The following IL1RL1 variants were observed in gnomAD, a reference collection of about 807,000 sequenced individuals.
The protein encoded by IL1RL1 is interleukin 1 receptor like 1.
A neutral mutation model predicts 50.9 loss-of-function variants in IL1RL1; 32 were observed. The observed-to-expected ratio is 0.63, with a 90% confidence interval of 0.47 to 0.84. The LOEUF (loss-of-function observed/expected upper bound fraction) is 0.84, where lower values mean the gene tolerates loss of function less well. IL1RL1 is among the 40% of genes least tolerant of loss of function. The pLI, the probability that IL1RL1 is intolerant of heterozygous loss-of-function variation, is 0.00. For missense variants in IL1RL1, 773 were observed against 662.9 expected (o/e 1.17, Z -1.82); for synonymous variants, 275 against 236.0 (o/e 1.17, Z -1.51).
At chr2:102,338,734 A>C (rs1482225109) in intron 2 of IL1RL1, 103 bp from the exon 3 acceptor site, 2 of 829,588 alleles carry the variant, frequency 2.4e-6, no homozygotes, top group Non-Finnish European at 3.9e-6. Context: ...ACAGTATATG[A>C]CCGGCTTCTA....
rs546194268 is a variant in IL1RL1, at chr2:102,350,083, G to A, written c.1285+837G>A. ...TGGGAATGCTAATAGCCTCAATAAC[G>A]GCTCAAGAGACTTGTGAAAGATACA... On this transcript the variant is annotated intron_variant, in intron 10 of 10. Coordinates refer to ENST00000233954, the MANE Select transcript of IL1RL1 (RefSeq NM_016232.5). Among the ~76,000 whole-genome samples, 30 of 96,104 alleles carry A rather than the reference G, an allele frequency of 3.1e-4. No individual in the cohort carries two copies. In the South Asian group the frequency reaches 6.6e-3, roughly 21 times the overall value. 63.0% of individuals were successfully genotyped at this position (96,104 alleles called of 152,430 possible).
At chr2:102,336,241 C>G (rs1451378316) in intron 1 of IL1RL1, among the ~76,000 whole-genome samples, 1 of 152,138 alleles carries the variant, frequency 6.6e-6, no homozygotes, top group Admixed American at 6.5e-5. Flanking sequence ...CTGACTTCAC[C>G]CCTTAATGTG....
chr2:102,320,919 A>T (rs1433008095), intron 1 of IL1RL1, among the ~76,000 whole-genome samples: 2 of 152,174 alleles, frequency 1.3e-5, no homozygotes, highest in Non-Finnish European at 2.9e-5. Flanking sequence ...TTAGCTTGAA[A>T]CACTCCAGTG....
chr2:102,347,900 T>A, intron 8 of IL1RL1, 45 bp from the exon 9 acceptor site: 2 of 1,148,128 alleles, frequency 1.7e-6, no homozygotes, highest in South Asian at 1.3e-5. Flanking sequence ...GTTTATTATA[T>A]CTTGTTTCAG....
Position 102,349,227 on chromosome 2 carries a change from A to G in IL1RL1, c.1266A>G (p.Arg422=). Residue 422 remains arginine (R), a synonymous_variant, in exon 10 of 11, where the codon AGA becomes AGG. Coordinates refer to ENST00000233954, the MANE Select transcript of IL1RL1 (RefSeq NM_016232.5). ...KCGYTLCIYG[R]DMLPGEDVVT... The stretch of plus-strand genomic sequence containing the variant: ...GCTATACCTTATGCATTTATGGGAG[A>G]GATATGCTACCTGGAGAAGGTAAAG... 1 of 1,613,688 alleles carries G rather than the reference A, an allele frequency of 6.2e-7. No individual in the cohort carries two copies. Among genetic ancestry groups the G allele is most frequent in the South Asian group, 1.1e-5 (1 of 91,068 alleles).
intron 1 of IL1RL1, among the ~76,000 whole-genome samples, chr2:102,336,134 C>T (rs1677318695): frequency 6.6e-6 from 1 of 152,296 alleles, no homozygotes; most frequent in South Asian, 2.1e-4. Context: ...ATAACTCTCC[C>T]TTTTGCAGCT....
chr2:102,328,486 C>G (rs1465871343), intron 1 of IL1RL1, among the ~76,000 whole-genome samples: 133 of 151,646 alleles, frequency 8.8e-4, no homozygotes, highest in African/African-American at 2.8e-3. Context: ...ATTCAACATA[C>G]TGTTGGAAGT....
Position 102,342,271 on chromosome 2 carries a change from A to G in IL1RL1, c.659A>G (p.Asn220Ser). 1 of 1,611,602 alleles carries G rather than the reference A, an allele frequency of 6.2e-7. No individual in the cohort carries two copies. The highest frequency in any genetic ancestry group is 8.5e-7 in the Non-Finnish European group (1 of 1,177,872). ...CCAGTAATCGGAGCCCCTGCACAAA[A>G]TGAAATAAAGGAAGTGGAAATTGGT... is the stretch of plus-strand genomic sequence containing the variant. The part of the protein sequence containing the change: ...LFPVIGAPAQ[N>S]EIKEVEIGKN... The change falls in exon 6 of 11, where the codon AAT becomes AGT. Residue 220 changes from asparagine (N) to serine (S), a missense_variant. By Grantham distance (46) the Asn-to-Ser change is conservative. Coordinates refer to ENST00000233954, the MANE Select transcript of IL1RL1 (RefSeq NM_016232.5).
chr2:102,345,416 A>G, intron 8 of IL1RL1: 9 of 985,054 alleles, frequency 9.1e-6, no homozygotes, highest in Non-Finnish European at 1.1e-5. Flanking sequence ...ATATATTTTT[A>G]CACTCATCAC....
chr2:102,346,102 T>G (rs1440266549), intron 8 of IL1RL1: 1 of 942,612 alleles, frequency 1.1e-6, no homozygotes, highest in East Asian at 1.2e-4. Context: ...CTACTGCTAT[T>G]GAGTTGTCAT....
intron 1 of IL1RL1, among the ~76,000 whole-genome samples, chr2:102,320,208 G>A (rs1676797523): frequency 6.6e-6 from 1 of 152,166 alleles, no homozygotes; most frequent in Non-Finnish European, 1.5e-5. Context: ...GTTTACTCCA[G>A]TGTCGTCTTT....
At chr2:102,312,936 G>C (rs1676560915) in intron 1 of IL1RL1, 2 of 152,024 alleles carry the variant, frequency 1.3e-5, no homozygotes. Context: ...GCATGTTTCT[G>C]TCTGGCTATA....
At chr2:102,346,427 G>A (rs963258841) in intron 8 of IL1RL1, among the ~76,000 whole-genome samples, 1 of 152,186 alleles carries the variant, frequency 6.6e-6, no homozygotes, top group East Asian at 1.9e-4. Context: ...TATACAGAAA[G>A]TAATGTTTTG....
In IL1RL1 at chr2:102,345,990, G is replaced by A. The variant is rs890461881; in HGVS notation, c.971-1955G>A. The A allele has an allele frequency of 3.0e-6, 3 of 985,012 alleles. No homozygotes were observed. The African/African-American group carries it at 5.2e-5, about 17-fold the overall frequency. 61.0% of individuals were successfully genotyped at this position (985,012 alleles called of 1,614,324 possible). On this transcript the variant is annotated intron_variant, in intron 8 of 10. Coordinates refer to ENST00000233954, the MANE Select transcript of IL1RL1 (RefSeq NM_016232.5). ...TATCTTCGTGTTACAGGTGTTTAAT[G>A]ATTTTGCTCCTTCTAGCTTATTTGT...
chr2:102,346,715 C>A (rs536916155), intron 8 of IL1RL1, among the ~76,000 whole-genome samples: 183 of 152,292 alleles, frequency 1.2e-3, no homozygotes, highest in African/African-American at 4.1e-3. Flanking sequence ...TCAATTTTCA[C>A]TTTTTCCCCC....
Position 102,351,822 on chromosome 2 carries a change from T to C in IL1RL1, c.1572T>C (p.Asn524=). 1 of 1,614,016 alleles carries C rather than the reference T, an allele frequency of 6.2e-7. No individual in the cohort carries two copies. The highest frequency in any genetic ancestry group is 8.5e-7 in the Non-Finnish European group (1 of 1,179,944). Residue 524 remains asparagine, a synonymous_variant, in exon 11 of 11, where the codon AAT becomes AAC. Coordinates refer to ENST00000233954, the MANE Select transcript of IL1RL1 (RefSeq NM_016232.5). ...ACATTGCCAATAAAAGGTCCCTGAA[T>C]TCTAAATTCTGGAAGCACGTGAGGT... ...EDHIANKRSL[N]SKFWKHVRYQ...
intron 1 of IL1RL1, among the ~76,000 whole-genome samples, chr2:102,326,401 C>T (rs1677000298): frequency 6.6e-6 from 1 of 152,026 alleles, no homozygotes; most frequent in Non-Finnish European, 1.5e-5. Context: ...CAAAAACATG[C>T]CAAATTGTAA....
chr2:102,317,811 T>C (rs1676721158), intron 1 of IL1RL1, among the ~76,000 whole-genome samples: 1 of 151,918 alleles, frequency 6.6e-6, no homozygotes, highest in Non-Finnish European at 1.5e-5. Flanking sequence ...ACAGGGTTAG[T>C]TGGTCAAAGG....
At chr2:102,345,200 T>G in intron 8 of IL1RL1, 1 of 980,622 alleles carries the variant, frequency 1.0e-6, no homozygotes. Context: ...AGAGATGAAG[T>G]GCTCTTCCCA....
Sources: gnomAD v4.1 joint callset for allele counts (sites outside exome capture counted in the v4.1 genomes callset) on GRCh38, gnomAD v4.1.1 for gene constraint, MANE v1.5 for transcripts, NCBI Gene and HGNC (gene_info 2026-07-23, HGNC 2026-07-21) for gene names.